ERN1: variants seen among roughly 807,000 people sequenced by gnomAD.
ERN1 encodes serine/threonine-protein kinase/endoribonuclease IRE1.
ERN1 carries 39 observed loss-of-function variants against 113.1 expected under a neutral mutation model. The ratio of observed to expected loss-of-function variants is 0.34; its 90% confidence interval spans 0.27 to 0.45. The LOEUF is 0.45. Among genes scored for constraint, ERN1 ranks in the 20% least tolerant of loss-of-function variants. The pLI is 1.00. For synonymous variants in ERN1, 507 were observed against 515.9 expected (o/e 0.98, Z 0.23); for missense variants, 976 against 1,274.8 (o/e 0.77, Z 3.57).
rs773655917 is a variant in ERN1 at position 64,086,637 on chromosome 17, C to CTTT, written c.176-5832_176-5830dup. On this transcript the variant is annotated intron_variant, in intron 2 of 21. Coordinates refer to ENST00000433197, the MANE Select transcript of ERN1 (RefSeq NM_001433.5). ...CATTTCTTTTTTTTTCTTTTCTTTC[C>CTTT]TTTTTTTTTTTTTTTTTTTTTTTTT... Among the ~76,000 whole-genome samples, 242 of 47,594 alleles carry CTTT rather than the reference C, an allele frequency of 5.1e-3. 79 individuals are homozygous for CTTT. Among genetic ancestry groups the CTTT allele is most frequent in the African/African-American group, 0.014 (169 of 12,264 alleles). The allele number at this position is 47,594 out of a possible 152,430, so 31.2% of individuals were successfully genotyped here.
rs149149908 is a variant in ERN1 at position 64,063,928 on chromosome 17, C to T, written c.1087+58G>A. The T allele has an allele frequency of 5.0e-4, 784 of 1,553,426 alleles. 1 individual carries two copies. In the African/African-American group the frequency reaches 6.1e-3, roughly 12 times the overall value. ...CGGTGTAACTACCAGGGCCGGCGGT[C>T]GCCCACCAGGAGGCAGCACGCTGTC... On this transcript the variant is annotated intron_variant, in intron 10 of 21. Transcript: ENST00000433197. This position sits in a 1 kb window ranked among gnomAD's most constrained non-coding sequence, Gnocchi z 5.1.
chr17:64,085,416 C>G (rs1323852360), intron 2 of ERN1, among the ~76,000 whole-genome samples: 1 of 152,044 alleles, frequency 6.6e-6, no homozygotes, highest in Non-Finnish European at 1.5e-5. Context: ...TTTTAAGAAC[C>G]ATCTCTCACA....
rs1913539140 is a variant in ERN1 at position 64,074,901 on chromosome 17, T to C, written c.355+274A>G. On this transcript the variant is annotated intron_variant, in intron 5 of 21. Coordinates refer to ENST00000433197, the MANE Select transcript of ERN1 (RefSeq NM_001433.5). ...AATTTCATCCATTTGCCACTGGGTA[T>C]GTTGCAATCTTGGAATCTCAGGACT... Among the ~76,000 whole-genome samples the C allele has an allele frequency of 1.3e-5, 2 of 152,272 alleles. 1 individual carries two copies. The highest frequency in any genetic ancestry group is 4.1e-4 in the South Asian group (2 of 4,838).
intron 1 of ERN1, among the ~76,000 whole-genome samples, chr17:64,103,219 G>T (rs1914432837): frequency 6.6e-6 from 1 of 152,286 alleles, no homozygotes; most frequent in Middle Eastern, 3.4e-3. Context: ...GTTACGGCTG[G>T]ACGTGGTGAC....
rs1003202329 is a variant in ERN1, at chr17:64,071,417, C to CT, written c.478+563dup. Among the ~76,000 whole-genome samples, 279 of 145,974 alleles carry CT rather than the reference C, an allele frequency of 1.9e-3. 2 individuals carry two copies. The highest frequency in any genetic ancestry group is 5.7e-3 in the African/African-American group (227 of 39,956). On this transcript the variant is annotated intron_variant, in intron 6 of 21. Transcript: ENST00000433197. The stretch of plus-strand genomic sequence containing the variant: ...CAGGTAGTTCATCCTAATTGGGAAA[C>CT]TTTTTTTTTTTTGGGCAGGGGGGAT...
intron 5 of ERN1, among the ~76,000 whole-genome samples, chr17:64,074,898 G>A (rs1438771678): frequency 6.6e-6 from 1 of 152,190 alleles, no homozygotes; most frequent in Non-Finnish European, 1.5e-5. Context: ...TTGCCACTGG[G>A]TATGTTGCAA....
At chr17:64,046,537 C>A (rs1912519177) in intron 19 of ERN1, among the ~76,000 whole-genome samples, 2 of 152,230 alleles carry the variant, frequency 1.3e-5, no homozygotes, top group Non-Finnish European at 2.9e-5. Context: ...TCCATGGACA[C>A]AGTGACCAAT....
chr17:64,081,931 T>G (rs1383830303), intron 2 of ERN1, among the ~76,000 whole-genome samples: 1 of 152,120 alleles, frequency 6.6e-6, no homozygotes, highest in Non-Finnish European at 1.5e-5. Context: ...GGCAGGAGAC[T>G]CACAGCGATG....
chr17:64,086,355 C>A (rs1567875190), intron 2 of ERN1, among the ~76,000 whole-genome samples: 1 of 152,168 alleles, frequency 6.6e-6, no homozygotes, highest in Non-Finnish European at 1.5e-5. Flanking sequence ...TAAAATTTCA[C>A]AAATGACCAC....
rs1283672545 is a variant in ERN1 at position 64,129,979 on chromosome 17, G to A, written c.51C>T (p.Leu17=). ...LLLLTLLLPG[L]GIFGSTSTVT... The stretch of plus-strand genomic sequence containing the variant: ...CCCACGCTCCCCGGTCACTCACCCC[G>A]AGGCCGGGCAGCAGCAGCGTCAGCA... The change falls in exon 1 of 22, where the codon CTC becomes CTT. Residue 17 remains leucine, a synonymous_variant. Transcript: ENST00000433197. 2 of 1,449,188 alleles carry A rather than the reference G, an allele frequency of 1.4e-6. No individual in the cohort carries two copies. The highest frequency in any genetic ancestry group is 5.2e-5 in the Admixed American group (2 of 38,400). The allele number at this position is 1,449,188 out of a possible 1,614,324, so 89.8% of individuals were successfully genotyped here. A position where few individuals can be genotyped will look rare whatever the true frequency, so the allele number is the denominator to read the frequency against.
In ERN1 at chr17:64,045,718, C is replaced by T. The variant is rs537850906; in HGVS notation, c.2530-236G>A. Among the ~76,000 whole-genome samples, 165 of 152,256 alleles carry T rather than the reference C, an allele frequency of 1.1e-3. 1 individual carries two copies. The highest frequency in any genetic ancestry group is 3.7e-3 in the African/African-American group (155 of 41,546). On this transcript the variant is annotated intron_variant, in intron 19 of 21. Coordinates refer to ENST00000433197, the MANE Select transcript of ERN1 (RefSeq NM_001433.5). ...TGTCAGAGAGGTGTCACAGAGTACA[C>T]CTGCATATAGACCACGAACGCATAC...
At chr17:64,066,560 G>T in intron 8 of ERN1, 111 bp downstream of exon 8, 2 of 1,309,704 alleles carry the variant, frequency 1.5e-6, no homozygotes, top group East Asian at 2.4e-5. Context: ...ATTCCTCATG[G>T]CTTCAGAGAC....
chr17:64,088,400 C>G (rs754670638), intron 2 of ERN1, among the ~76,000 whole-genome samples: 1 of 152,164 alleles, frequency 6.6e-6, no homozygotes, highest in Non-Finnish European at 1.5e-5. Context: ...AAGTGTAACC[C>G]TAGCAGTGAT....
intron 7 of ERN1, among the ~76,000 whole-genome samples, chr17:64,067,413 G>T (rs1356721584): frequency 8.2e-6 from 1 of 121,754 alleles, no homozygotes; most frequent in African/African-American, 3.2e-5. Context: ...AACATAGTGA[G>T]ACCCCCGTCT....
rs79212118 is a variant in ERN1 at position 64,041,502 on chromosome 17, C to T, written c.*2486G>A. On this transcript the variant is annotated 3_prime_UTR_variant, in exon 22 of 22. Coordinates refer to ENST00000433197, the MANE Select transcript of ERN1 (RefSeq NM_001433.5). ...GAATTCTCGAGACTAGAACTGGATA[C>T]ACCAGATGATGCCCAAGGTGTTTTC... 54 of 152,306 alleles carry T rather than the reference C, an allele frequency of 3.5e-4. No individual in the cohort carries two copies. Among genetic ancestry groups the T allele is most frequent in the African/African-American group, 1.3e-3 (53 of 41,532 alleles). The allele number at this position is 152,306 out of a possible 1,614,324, so 9.4% of individuals were successfully genotyped here.
intron 18 of ERN1, 27 bp from the exon 19 acceptor site, chr17:64,048,012 A>G: frequency 1.3e-6 from 2 of 1,596,166 alleles, no homozygotes; most frequent in South Asian, 2.2e-5. Flanking sequence ...TAAGCAACTC[A>G]TGACTACCAG....
rs112742168 is a variant in ERN1, at chr17:64,063,032, T to G, written c.1087+954A>C. Reference sequence around the variant, plus strand: ...ATCCTGCTGTTTCCTGGTCCCCACATGCTCCCAGCTGCCCCACATCTCTTT... The same window carrying G: ...ATCCTGCTGTTTCCTGGTCCCCACAGGCTCCCAGCTGCCCCACATCTCTTT... On this transcript the variant is annotated intron_variant, in intron 10 of 21. Coordinates refer to ENST00000433197, the MANE Select transcript of ERN1 (RefSeq NM_001433.5). This position sits in a 1 kb window ranked among gnomAD's most constrained non-coding sequence, Gnocchi z 5.1. Among the ~76,000 whole-genome samples the G allele has an allele frequency of 6.6e-6, 1 of 152,166 alleles. No homozygotes were observed.
In ERN1 at chr17:64,043,060, AG is replaced by A. The variant is rs1226506974; in HGVS notation, c.*927del. 1 of 152,402 alleles carries A rather than the reference AG, an allele frequency of 6.6e-6. No homozygotes were observed. The highest frequency in any genetic ancestry group is 1.5e-5 in the Non-Finnish European group (1 of 68,078). The allele number at this position is 152,402 out of a possible 1,614,324, so 9.4% of individuals were successfully genotyped here. On this transcript the variant is annotated 3_prime_UTR_variant, in exon 22 of 22. Transcript: ENST00000433197. ...CTTGTTCCACCGGCCTTGGGGACGA[AG>A]GAGTTTGACTGCCTACTCGCTGGCC...
chr17:64,069,568 C>T (rs1299708229), intron 6 of ERN1, among the ~76,000 whole-genome samples: 2 of 152,144 alleles, frequency 1.3e-5, no homozygotes, highest in African/African-American at 2.4e-5. Flanking sequence ...ATTCCCTACC[C>T]CTGGAGGAGG....
Sources: gnomAD v4.1 joint callset for allele counts (sites outside exome capture counted in the v4.1 genomes callset) on GRCh38, gnomAD v4.1.1 for gene constraint, Gnocchi (gnomAD v3.1) non-coding constraint, MANE v1.5 for transcripts, NCBI Gene and HGNC (gene_info 2026-07-23, HGNC 2026-07-21) for gene names.